The following ITPR2 variants were observed in gnomAD, a reference collection of about 807,000 sequenced individuals.
ITPR2 encodes inositol 1,4,5-trisphosphate receptor type 2, also known as inositol 1,4,5-trisphosphate-gated calcium channel ITPR2.
A neutral mutation model predicts 317.1 loss-of-function variants in ITPR2; 207 were observed. The ratio of observed to expected loss-of-function variants is 0.65; its 90% CI spans 0.58 to 0.73. ITPR2 has a LOEUF of 0.73. ITPR2 is among the 30% of genes least tolerant of loss of function. The pLI is 0.00. For missense variants in ITPR2, 2,613 were observed against 3,284.0 expected (o/e 0.80, Z 4.99); for synonymous variants, 1,156 against 1,149.1 (o/e 1.01, Z -0.12).
intron 34 of ITPR2, among the ~76,000 whole-genome samples, chr12:26,566,537 AGAGAGGAGAAGGATAAGGAG>A (rs1183617384): frequency 6.8e-6 from 1 of 146,276 alleles, no homozygotes; most frequent in Non-Finnish European, 1.5e-5. Flanking sequence ...AGAGGAAAGA[AGAGAGGAGAAGGATAAGGAG>A]GAGAGGAGAG....
At chr12:26,380,217 T>TTAATA (rs1939464012) in intron 55 of ITPR2, among the ~76,000 whole-genome samples, 2 of 152,218 alleles carry the variant, frequency 1.3e-5, no homozygotes, top group African/African-American at 4.8e-5. Flanking sequence ...TCAGCCACAC[T>TTAATA]GTTAAGTACC....
At position 26,606,544 on chromosome 12, in the gene ITPR2, CTTTTT is replaced by C. The variant is rs10701661; in HGVS notation, c.3463-3843_3463-3839del. On this transcript the variant is annotated intron_variant, in intron 26 of 56. Coordinates refer to ENST00000381340, the MANE Select transcript of ITPR2 (RefSeq NM_002223.4). ...TATTGGTTCTAAAGATAGTTCCTCC[CTTTTT>C]TTTTTTTTTGCATCAGGCAAGGAAA... Among the ~76,000 whole-genome samples the C allele has an allele frequency of 4.9e-5, 7 of 143,438 alleles. 1 individual carries two copies. In the South Asian group the frequency reaches 1.3e-3, roughly 27 times the overall value. The allele number at this position is 143,438 out of a possible 152,430, so 94.1% of individuals were successfully genotyped here. A position where few individuals can be genotyped will look rare whatever the true frequency, so the allele number is the denominator to read the frequency against.
intron 37 of ITPR2, among the ~76,000 whole-genome samples, chr12:26,527,540 T>A (rs192634215): frequency 5.9e-5 from 9 of 152,364 alleles, no homozygotes; most frequent in African/African-American, 1.9e-4. Context: ...ATAGAAATAT[T>A]CCTTAGTCTT....
intron 52 of ITPR2, among the ~76,000 whole-genome samples, chr12:26,402,088 G>A (rs1007880746): frequency 1.3e-5 from 2 of 152,288 alleles, no homozygotes; most frequent in Admixed American, 1.3e-4. Flanking sequence ...GAGCAGCAGT[G>A]CAGACAAGGA....
At chr12:26,408,011 C>T (rs1180899886) in intron 52 of ITPR2, among the ~76,000 whole-genome samples, 6 of 152,184 alleles carry the variant, frequency 3.9e-5, no homozygotes, top group Non-Finnish European at 8.8e-5. Context: ...TCTCATCCTC[C>T]AAGTCTCAAC....
intron 13 of ITPR2, among the ~76,000 whole-genome samples, chr12:26,675,051 G>C (rs952781649): frequency 1.1e-3 from 173 of 152,200 alleles, no homozygotes; most frequent in Non-Finnish European, 2.2e-3. Context: ...GAAACAACAG[G>C]TGCTGGAGAG....
intron 9 of ITPR2, among the ~76,000 whole-genome samples, chr12:26,703,909 T>C (rs1290206662): frequency 6.6e-6 from 1 of 152,154 alleles, no homozygotes; most frequent in Non-Finnish European, 1.5e-5. Context: ...ATATACACAA[T>C]ACATACAACA....
intron 2 of ITPR2, among the ~76,000 whole-genome samples, chr12:26,787,206 G>A (rs1238407329): frequency 2.0e-5 from 3 of 152,190 alleles, no homozygotes; most frequent in Non-Finnish European, 4.4e-5. Flanking sequence ...ATGCATCATG[G>A]GAGAAAGGCT....
At chr12:26,416,531 T>C (rs1429302699) in intron 50 of ITPR2, among the ~76,000 whole-genome samples, 1 of 152,196 alleles carries the variant, frequency 6.6e-6, no homozygotes, top group Non-Finnish European at 1.5e-5. Flanking sequence ...GTCTATTTTT[T>C]TTCTGAGTAC....
chr12:26,611,084 C>T (rs566053936), intron 26 of ITPR2, among the ~76,000 whole-genome samples: 7 of 152,336 alleles, frequency 4.6e-5, no homozygotes, highest in Admixed American at 2.0e-4. Flanking sequence ...CAAACTGTTC[C>T]GGCACCAGGC....
intron 37 of ITPR2, among the ~76,000 whole-genome samples, chr12:26,526,854 A>T (rs1943821601): frequency 6.6e-6 from 1 of 152,166 alleles, no homozygotes; most frequent in Non-Finnish European, 1.5e-5. Flanking sequence ...ATAAGAAGAA[A>T]TCAAGAATGA....
intron 1 of ITPR2, among the ~76,000 whole-genome samples, chr12:26,807,478 G>C (rs913013139): frequency 6.6e-6 from 1 of 152,156 alleles, no homozygotes; most frequent in Non-Finnish European, 1.5e-5. Context: ...GGCATCAGAG[G>C]GTAGGTGAGA....
chr12:26,337,044 T>A lies in ITPR2; in HGVS notation c.*2353A>T, dbSNP rs1937939747. 7.0e-6 allele frequency: 1 copy of A among 143,276 alleles called. No individual in the cohort carries two copies. 8.9% of individuals were successfully genotyped at this position (143,276 alleles called of 1,614,324 possible). A position where few individuals can be genotyped will look rare whatever the true frequency, so the allele number is the denominator to read the frequency against. On this transcript the variant is annotated 3_prime_UTR_variant, in exon 57 of 57. Transcript: ENST00000381340. ...GCAGAAAAGAAAGAGGCATTAAAAA[T>A]ACAACTCAGAAATATTTAAATTTTG...
rs75765181 is a variant in ITPR2, at chr12:26,749,985, G to A, written c.164-24220C>T. On this transcript the variant is annotated intron_variant, in intron 2 of 56. Coordinates refer to ENST00000381340, the MANE Select transcript of ITPR2 (RefSeq NM_002223.4). ...CAAGACAAGTAGCAACAAGTTTTTA[G>A]TAAACATTAGGGGAACAAGAAACTA... 9.3e-3 allele frequency among the ~76,000 whole-genome samples: 1,419 copies of A among 152,300 alleles called. 24 individuals carry two copies. Among genetic ancestry groups the A allele is most frequent in the African/African-American group, 0.032 (1,320 of 41,548 alleles).
At position 26,581,128 on chromosome 12, in the gene ITPR2, TA is replaced by T. The variant is rs559313307; in HGVS notation, c.4381-974del. 2.9e-3 allele frequency among the ~76,000 whole-genome samples: 438 copies of T among 152,334 alleles called. 3 individuals are homozygous for T. Among genetic ancestry groups the T allele is most frequent in the African/African-American group, 9.9e-3 (413 of 41,578 alleles). ...ACCATCCAAATTTTTATGTAATTTTTAAAAATTTTCAATAAGGTGCTTAACC... is the reference window on the plus strand; with the variant it reads ...ACCATCCAAATTTTTATGTAATTTTTAAAATTTTCAATAAGGTGCTTAACC... On this transcript the variant is annotated intron_variant, in intron 32 of 56. Coordinates refer to ENST00000381340, the MANE Select transcript of ITPR2 (RefSeq NM_002223.4).
chr12:26,537,460 T>C (rs1308634054), intron 37 of ITPR2, among the ~76,000 whole-genome samples: 1 of 152,178 alleles, frequency 6.6e-6, no homozygotes, highest in Non-Finnish European at 1.5e-5. Flanking sequence ...TTGCTTACCT[T>C]CTGGTGAATG....
chr12:26,399,078 T>G, intron 53 of ITPR2, 37 bp from the exon 54 acceptor site: 2 of 1,452,534 alleles, frequency 1.4e-6, no homozygotes, highest in Non-Finnish European at 1.8e-6. Flanking sequence ...ACACTAGGCA[T>G]AGTGATTGAG....
chr12:26,526,491 C>T (rs1258960193), intron 37 of ITPR2, among the ~76,000 whole-genome samples: 2 of 151,946 alleles, frequency 1.3e-5, no homozygotes, highest in Non-Finnish European at 1.5e-5. Flanking sequence ...GAAAAGATGG[C>T]CCAAGTTGTG....
chr12:26,494,202 C>T lies in ITPR2; in HGVS notation c.5321G>A (p.Gly1774Asp). ...NTKNDRIFSE[G>D]IFLGIALLEG... ...AAGCAAGGCAATGCCGAGGAAAATG[C>T]CTTCTGAAAAAATTCTGTCATTTTT... is the stretch of plus-strand genomic sequence containing the variant. The change falls in exon 39 of 57, where the codon GGC becomes GAC. Residue 1774 changes from glycine (G) to aspartate (D), a missense_variant. Physicochemically the swap from Gly to Asp is moderately conservative, Grantham distance 94. This residue lies in a region of ITPR2 where 926 missense variants were observed against 1,072.8 expected (regional missense o/e 0.86). Coordinates refer to ENST00000381340, the MANE Select transcript of ITPR2 (RefSeq NM_002223.4). The T allele has an allele frequency of 6.2e-7, 1 of 1,612,734 alleles. No individual in the cohort carries two copies.
Sources: gnomAD v4.1 joint callset for allele counts (sites outside exome capture counted in the v4.1 genomes callset) on GRCh38, gnomAD v4.1.1 for gene constraint, gnomAD v4.1.1 regional missense constraint, MANE v1.5 for transcripts, NCBI Gene and HGNC (gene_info 2026-07-23, HGNC 2026-07-21) for gene names.